TMOD3: variants seen among roughly 807,000 people sequenced by gnomAD.
TMOD3 encodes tropomodulin 3, also known as tropomodulin-3.
In TMOD3, 20 loss-of-function variants were observed where a neutral mutation model predicts 39.2. The ratio of observed to expected loss-of-function variants is 0.51; its 90% CI spans 0.36 to 0.74. TMOD3 has a LOEUF of 0.74. Ranked by LOEUF, TMOD3 falls within the 30% of genes least tolerant of loss-of-function variation. TMOD3 has a pLI of 0.00. For missense variants in TMOD3, 381 were observed against 412.8 expected (o/e 0.92, Z 0.67); for synonymous variants, 143 against 145.8 (o/e 0.98, Z 0.14).
chr15:51,838,830 C>G (rs759407560), intron 1 of TMOD3, among the ~76,000 whole-genome samples: 8 of 152,088 alleles, frequency 5.3e-5, no homozygotes, highest in Admixed American at 1.3e-4. Context: ...GTAGTGCCTC[C>G]AGACTTGGTG....
intron 1 of TMOD3, among the ~76,000 whole-genome samples, chr15:51,836,739 A>G (rs1224486230): frequency 4.7e-5 from 7 of 150,150 alleles, no homozygotes; most frequent in South Asian, 2.1e-4. Context: ...AAAAAAAAGA[A>G]AAAAGAAAAA....
intron 4 of TMOD3, among the ~76,000 whole-genome samples, 176 bp downstream of exon 4, chr15:51,887,887 C>G (rs2056573236): frequency 6.6e-6 from 1 of 152,178 alleles, no homozygotes; most frequent in Non-Finnish European, 1.5e-5. Context: ...AGTTTCATTT[C>G]TCTAAATACT....
In TMOD3 at chr15:51,911,813, C is replaced by G. The variant is rs1226183005; in HGVS notation, c.*3003C>G. ...TTAAAATGGATTTTGGTGCTATATT[C>G]TTGTAGCTAAAGCCTAGTAGAATTC... On this transcript the variant is annotated 3_prime_UTR_variant, in exon 10 of 10. Transcript: ENST00000308580. The G allele has an allele frequency of 6.6e-6, 1 of 152,070 alleles. No homozygotes were observed. The highest frequency in any genetic ancestry group is 1.5e-5 in the Non-Finnish European group (1 of 68,004). 9.4% of individuals were successfully genotyped at this position (152,070 alleles called of 1,614,324 possible).
Position 51,862,994 on chromosome 15 carries a change from A to G in TMOD3, c.110A>G (p.Asp37Gly), listed in dbSNP as rs2056426865. The change falls in exon 2 of 10, where the codon GAT (aspartate) becomes GGT (glycine). Residue 37 changes from aspartate (D) to glycine (G), a missense_variant. Coordinates refer to ENST00000308580, the MANE Select transcript of TMOD3 (RefSeq NM_014547.5). ...TELKQLETVL[D>G]DLDPENALLP... The stretch of plus-strand genomic sequence containing the variant: ...CTGAAACAACTGGAAACTGTTTTGG[A>G]TGATCTTGACCCCGAGGTAGGTGCT... 2.5e-6 allele frequency: 4 copies of G among 1,613,454 alleles called. No homozygotes were observed. The East Asian group carries it at 8.9e-5, about 36-fold the overall frequency.
chr15:51,846,594 TA>T (rs778595516), intron 1 of TMOD3, among the ~76,000 whole-genome samples: 9 of 152,222 alleles, frequency 5.9e-5, no homozygotes, highest in Non-Finnish European at 1.0e-4. Flanking sequence ...ACTCTCAGAT[TA>T]ATCTCACCAT....
intron 5 of TMOD3, among the ~76,000 whole-genome samples, chr15:51,893,054 G>A (rs1168172097): frequency 6.6e-6 from 1 of 151,952 alleles, no homozygotes; most frequent in Non-Finnish European, 1.5e-5. Context: ...CCAGCACTTT[G>A]GGAGGCCAAG....
At chr15:51,866,181 A>G (rs890444864) in intron 2 of TMOD3, among the ~76,000 whole-genome samples, 1 of 152,170 alleles carries the variant, frequency 6.6e-6, no homozygotes, top group Admixed American at 6.5e-5. Flanking sequence ...TTGGCCGGGT[A>G]TAGTGGCTCA....
chr15:51,854,537 A>G, intron 1 of TMOD3, among the ~76,000 whole-genome samples: 1 of 152,258 alleles, frequency 6.6e-6, no homozygotes, highest in Non-Finnish European at 1.5e-5. Flanking sequence ...ATATGATTCT[A>G]CATTTTAACA....
At chr15:51,832,337 C>T (rs1189578678) in intron 1 of TMOD3, among the ~76,000 whole-genome samples, 2 of 150,092 alleles carry the variant, frequency 1.3e-5, no homozygotes, top group African/African-American at 2.5e-5. Flanking sequence ...GGAATAAAAA[C>T]GTGGTAGATA....
intron 3 of TMOD3, among the ~76,000 whole-genome samples, chr15:51,884,343 T>C (rs897650775): frequency 1.3e-5 from 2 of 152,012 alleles, no homozygotes; most frequent in Non-Finnish European, 1.5e-5. Context: ...GGCAAACACA[T>C]GTGCAGAATG....
chr15:51,885,781 C>T (rs1291512987), intron 3 of TMOD3, among the ~76,000 whole-genome samples: 1 of 152,226 alleles, frequency 6.6e-6, no homozygotes, highest in East Asian at 1.9e-4. Context: ...GTCATCATGG[C>T]CCGTTCTCAA....
chr15:51,885,455 G>A (rs529214248), intron 3 of TMOD3, among the ~76,000 whole-genome samples: 1 of 152,186 alleles, frequency 6.6e-6, no homozygotes, highest in African/African-American at 2.4e-5. Context: ...CAGTGTTTGT[G>A]TCCCTGGGTA....
chr15:51,852,427 T>TAA (rs113563861), intron 1 of TMOD3, among the ~76,000 whole-genome samples: 12 of 141,006 alleles, frequency 8.5e-5, no homozygotes, highest in African/African-American at 2.3e-4. Flanking sequence ...TTTGGTTACC[T>TAA]AAAAAAAAAA....
intron 5 of TMOD3, among the ~76,000 whole-genome samples, chr15:51,891,992 G>C (rs1286403325): frequency 6.6e-6 from 1 of 152,134 alleles, no homozygotes; most frequent in East Asian, 1.9e-4. Context: ...TACTTCTCCA[G>C]ACTAAATATA....
intron 3 of TMOD3, among the ~76,000 whole-genome samples, chr15:51,875,728 G>A (rs2141693072): frequency 6.7e-6 from 1 of 148,578 alleles, no homozygotes; most frequent in Admixed American, 6.9e-5. Context: ...CCATTCACCT[G>A]CCTCAGCCTC....
At chr15:51,891,128 G>A (rs902114847) in intron 5 of TMOD3, among the ~76,000 whole-genome samples, 1 of 151,654 alleles carries the variant, frequency 6.6e-6, no homozygotes, top group South Asian at 2.1e-4. Flanking sequence ...GATTTCCTCT[G>A]TTCTCTCCAA....
chr15:51,885,599 G>T lies in TMOD3; in HGVS notation c.284-1990G>T, dbSNP rs1305675662. 1.1e-4 allele frequency among the ~76,000 whole-genome samples: 16 copies of T among 152,256 alleles called. No individual in the cohort carries two copies. In the East Asian group the frequency reaches 3.1e-3, roughly 29 times the overall value. ...ACAGCACATGTTTCAGAGAACACGG[G>T]GTTGGGGGCAAGGCTATAGATTAAC... On this transcript the variant is annotated intron_variant, in intron 3 of 9. Coordinates refer to ENST00000308580, the MANE Select transcript of TMOD3 (RefSeq NM_014547.5).
chr15:51,876,519 T>C (rs2141693571), intron 3 of TMOD3, among the ~76,000 whole-genome samples: 1 of 148,082 alleles, frequency 6.8e-6, no homozygotes, highest in African/African-American at 2.5e-5. Flanking sequence ...TGGAGTGCAG[T>C]GGTGTGATCT....
intron 3 of TMOD3, among the ~76,000 whole-genome samples, chr15:51,885,439 C>G (rs1330910184): frequency 6.6e-6 from 1 of 152,098 alleles, no homozygotes; most frequent in East Asian, 1.9e-4. Flanking sequence ...ACCCTGCGGC[C>G]TTCCGCAGTG....
Sources: gnomAD v4.1 joint callset for allele counts (sites outside exome capture counted in the v4.1 genomes callset) on GRCh38, gnomAD v4.1.1 for gene constraint, MANE v1.5 for transcripts, NCBI Gene and HGNC (gene_info 2026-07-23, HGNC 2026-07-21) for gene names.